Variants in ZNF556 observed in about 807,000 individuals in gnomAD.
The protein encoded by ZNF556 is zinc finger protein 556.
ZNF556 carries 11 observed loss-of-function variants against 13.6 expected under a neutral mutation model. That is an observed-to-expected ratio of 0.81 (90% CI 0.51 to 1.33). ZNF556 has a LOEUF of 1.33. Among genes scored for constraint, ZNF556 ranks in the 40% most tolerant of loss-of-function variants. ZNF556 has a pLI of 0.00. For missense variants in ZNF556, 633 were observed against 566.2 expected (o/e 1.12, Z -1.20); for synonymous variants, 229 against 207.8 (o/e 1.10, Z -0.88).
chr19:2,868,127 C>A (rs1265730241), intron 1 of ZNF556, among the ~76,000 whole-genome samples: 1 of 150,346 alleles, frequency 6.7e-6, no homozygotes, highest in Non-Finnish European at 1.5e-5. Context: ...ATTTTCTGTT[C>A]CTTTTTTGCC....
intron 1 of ZNF556, among the ~76,000 whole-genome samples, chr19:2,872,074 A>G (rs572549250): frequency 1.3e-5 from 2 of 152,292 alleles, no homozygotes; most frequent in East Asian, 3.9e-4. Flanking sequence ...AGGCAGAGCC[A>G]GGTGTACAGG....
chr19:2,877,169 C>A, intron 3 of ZNF556, 104 bp from the exon 4 acceptor site: 1 of 926,960 alleles, frequency 1.1e-6, no homozygotes, highest in Non-Finnish European at 1.6e-6. Context: ...AAGATCATGC[C>A]ACTGCACTCC....
rs2087872668 is a variant in ZNF556, at chr19:2,877,952, A to G, written c.994A>G (p.Lys332Glu). The change falls in exon 4 of 4, where the codon AAA becomes GAA. Residue 332 changes from lysine to glutamate, a missense_variant. By Grantham distance (56) the Lys-to-Glu change is moderately conservative. Coordinates refer to ENST00000307635, the MANE Select transcript of ZNF556 (RefSeq NM_024967.3). The stretch of plus-strand genomic sequence containing the variant: ...ATTCGGTTGGCCCTCATCCTTACAC[A>G]AACACGCGAGAACGCATGCTAAAAA... ...KAFGWPSSLH[K>E]HARTHAKKKP... is the part of the protein sequence containing the mutation. 6.2e-7 allele frequency: 1 copy of G among 1,614,242 alleles called. No homozygotes were observed. Among genetic ancestry groups the G allele is most frequent in the South Asian group, 1.1e-5 (1 of 91,088 alleles).
chr19:2,872,297 C>T (rs929793079), intron 1 of ZNF556, among the ~76,000 whole-genome samples: 25 of 151,466 alleles, frequency 1.7e-4, no homozygotes, highest in Admixed American at 6.6e-4. Context: ...GACACTTACG[C>T]TACCGCTAGA....
intron 1 of ZNF556, among the ~76,000 whole-genome samples, chr19:2,872,567 T>C (rs140250442): frequency 0.019 from 2,878 of 152,274 alleles, 41 homozygotes; most frequent in Non-Finnish European, 0.025. Flanking sequence ...TATATAATCA[T>C]ATCTAAGATC....
intron 1 of ZNF556, among the ~76,000 whole-genome samples, chr19:2,871,552 G>A (rs1173007511): frequency 1.3e-5 from 2 of 152,100 alleles, no homozygotes; most frequent in Non-Finnish European, 2.9e-5. Flanking sequence ...GGTGGTTCAC[G>A]CCTGTAATCC....
rs146647850 is a variant in ZNF556, at chr19:2,877,738, G to A, written c.780G>A (p.Glu260=). 1,553 of 1,613,578 alleles carry A rather than the reference G, an allele frequency of 9.6e-4. 3 individuals carry two copies. The highest frequency in any genetic ancestry group is 1.2e-3 in the Non-Finnish European group (1,438 of 1,179,912). The part of the protein sequence containing the change: ...VMMHAGGRPY[E]CKHCGKAFRC... ...TGCACGCCGGAGGGAGACCGTATGA[G>A]TGCAAGCACTGTGGGAAAGCCTTCA... Residue 260 remains glutamate, a synonymous_variant, in exon 4 of 4, where the codon GAG becomes GAA. Coordinates refer to ENST00000307635, the MANE Select transcript of ZNF556 (RefSeq NM_024967.3).
At chr19:2,867,852 C>T (rs961375943) in intron 1 of ZNF556, among the ~76,000 whole-genome samples, 4 of 152,086 alleles carry the variant, frequency 2.6e-5, no homozygotes, top group Admixed American at 6.5e-5. Context: ...GTGGTGCGGG[C>T]GCTCCACGTG....
At chr19:2,868,435 C>T (rs1257454991) in intron 1 of ZNF556, among the ~76,000 whole-genome samples, 1 of 152,058 alleles carries the variant, frequency 6.6e-6, no homozygotes, top group African/African-American at 2.4e-5. Context: ...TTTTTTGAAA[C>T]GGAGTCTTGC....
chr19:2,873,730 G>A (rs538509857), intron 2 of ZNF556, 108 bp downstream of exon 2: 127 of 1,339,096 alleles, frequency 9.5e-5, no homozygotes, highest in Non-Finnish European at 1.2e-4. Flanking sequence ...AAGGCAGGAG[G>A]ATCACTTGAG....
chr19:2,878,243 A>T lies in ZNF556; in HGVS notation c.1285A>T (p.Lys429Ter). ...TGGACAGAAGCCCAGTAAATGCGAA[A>T]AATGTGGGAAAGCTTTCAGTTGTCC... is the stretch of plus-strand genomic sequence containing the variant. Reference protein sequence around the residue: ...QIGQKPSKCEKCGKAFSCPKA... With the variant: ...QIGQKPSKCE Residue 429 changes from lysine (K) to a stop codon, truncating the protein, a stop_gained, in exon 4 of 4, where the codon AAA becomes TAA. Coordinates refer to ENST00000307635, the MANE Select transcript of ZNF556 (RefSeq NM_024967.3). LOFTEE classifies it low-confidence loss of function (END_TRUNC). The T allele has an allele frequency of 6.2e-7, 1 of 1,614,124 alleles. No homozygotes were observed.
intron 1 of ZNF556, among the ~76,000 whole-genome samples, chr19:2,873,144 AAAATG>A (rs1364706094): frequency 3.3e-5 from 5 of 151,908 alleles, no homozygotes; most frequent in Non-Finnish European, 7.4e-5. Flanking sequence ...AAAAAAAAAA[AAAATG>A]AAATGTACTA....
chr19:2,877,650 A>G lies in ZNF556; in HGVS notation c.692A>G (p.Tyr231Cys), dbSNP rs1325982519. ...AGGACTCACACTGGAGAGAAACCCTACGAATGTGGGCAGTGTGGGAAAGGC... is the reference window on the plus strand; with the variant it reads ...AGGACTCACACTGGAGAGAAACCCTGCGAATGTGGGCAGTGTGGGAAAGGC... The part of the protein sequence containing the change: ...HVRTHTGEKP[Y>C]ECGQCGKGFS... Residue 231 changes from tyrosine to cysteine, a missense_variant, in exon 4 of 4, where the codon TAC becomes TGC. Physicochemically the swap from Tyr to Cys is radical, Grantham distance 194. Coordinates refer to ENST00000307635, the MANE Select transcript of ZNF556 (RefSeq NM_024967.3). The G allele has an allele frequency of 1.2e-6, 2 of 1,614,062 alleles. No individual in the cohort carries two copies. Among genetic ancestry groups the G allele is most frequent in the Non-Finnish European group, 1.7e-6 (2 of 1,180,042 alleles).
chr19:2,870,607 C>T (rs550767242), intron 1 of ZNF556, among the ~76,000 whole-genome samples: 4 of 151,702 alleles, frequency 2.6e-5, no homozygotes, highest in South Asian at 4.2e-4. Flanking sequence ...ATCAGTTGGA[C>T]GTGGTGGCAC....
chr19:2,874,203 G>C (rs1189971294), intron 2 of ZNF556, among the ~76,000 whole-genome samples: 1 of 152,078 alleles, frequency 6.6e-6, no homozygotes, highest in Non-Finnish European at 1.5e-5. Context: ...GTTGCAGTGA[G>C]CCAAGATCAT....
chr19:2,878,606 G>A lies in ZNF556; in HGVS notation c.*277G>A. 1 of 285,338 alleles carries A rather than the reference G, an allele frequency of 3.5e-6. No homozygotes were observed. The highest frequency in any genetic ancestry group is 6.7e-6 in the Non-Finnish European group (1 of 149,442). 17.7% of individuals were successfully genotyped at this position (285,338 alleles called of 1,614,324 possible). A position where few individuals can be genotyped will look rare whatever the true frequency, so the allele number is the denominator to read the frequency against. ...CAGGAGAACGGCGTGAACCCGGGAG[G>A]CGGAGCTTGCAGTGAGCCGAGATGG... is the stretch of plus-strand genomic sequence containing the variant. On this transcript the variant is annotated 3_prime_UTR_variant, in exon 4 of 4. Transcript: ENST00000307635.
At chr19:2,876,480 G>T (rs1191603856) in intron 3 of ZNF556, among the ~76,000 whole-genome samples, 1 of 152,168 alleles carries the variant, frequency 6.6e-6, no homozygotes, top group African/African-American at 2.4e-5. Context: ...AGCACTTTGG[G>T]AGGCCGAGGG....
intron 3 of ZNF556, 28 bp downstream of exon 3, chr19:2,876,304 G>C (rs144537114): frequency 6.5e-7 from 1 of 1,545,174 alleles, no homozygotes; most frequent in African/African-American, 1.4e-5. Context: ...GAAAAAGGCA[G>C]TATCGCCAGG....
At chr19:2,871,726 CAA>C (rs1227660863) in intron 1 of ZNF556, among the ~76,000 whole-genome samples, 1 of 152,108 alleles carries the variant, frequency 6.6e-6, no homozygotes, top group Non-Finnish European at 1.5e-5. Flanking sequence ...TGTGCAGAGA[CAA>C]GAGAGCGTAG....
Sources: gnomAD v4.1 joint callset for allele counts (sites outside exome capture counted in the v4.1 genomes callset) on GRCh38, gnomAD v4.1.1 for gene constraint, MANE v1.5 for transcripts, NCBI Gene and HGNC (gene_info 2026-07-23, HGNC 2026-07-21) for gene names.